Variants in RNF115 observed in about 807,000 individuals in gnomAD.
The protein encoded by RNF115 is ring finger protein 115.
RNF115 carries 31 observed loss-of-function variants against 39.2 expected under a neutral mutation model. The observed-to-expected ratio is 0.79, with a 90% CI of 0.59 to 1.07. The LOEUF (loss-of-function observed/expected upper bound fraction) is 1.07. Among genes scored for constraint, RNF115 ranks in the 50% least tolerant of loss-of-function variants. The pLI is 0.00. For synonymous variants in RNF115, 124 were observed against 131.0 expected (o/e 0.95, Z 0.37); for missense variants, 384 against 381.7 (o/e 1.01, Z -0.05).
Position 145,767,245 on chromosome 1 carries a change from C to CA in RNF115, c.428+4465dup, listed in dbSNP as rs1647368176. 3.3e-5 allele frequency among the ~76,000 whole-genome samples: 5 copies of CA among 149,546 alleles called. No homozygotes were observed. In the South Asian group the frequency reaches 1.1e-3, roughly 32 times the overall value. On this transcript the variant is annotated intron_variant, in intron 4 of 8. Transcript: ENST00000582693. Reference sequence around the variant, plus strand: ...GTGGCTGCCGGGCGGAGGGGCTCCTCACTTCTCAGACGGTGTGGCTGCCCG... The same window carrying CA: ...GTGGCTGCCGGGCGGAGGGGCTCCTCAACTTCTCAGACGGTGTGGCTGCCCG...
At chr1:145,758,414 T>C (rs980868207) in intron 4 of RNF115, among the ~76,000 whole-genome samples, 1 of 152,162 alleles carries the variant, frequency 6.6e-6, no homozygotes, top group Admixed American at 6.5e-5. Context: ...ACAGCTGACA[T>C]GTTGATTATA....
intron 1 of RNF115, among the ~76,000 whole-genome samples, chr1:145,806,362 G>GATAA (rs1293935668): frequency 1.1e-4 from 16 of 151,826 alleles, no homozygotes; most frequent in Admixed American, 4.6e-4. Context: ...AAATAAAATA[G>GATAA]ATAAATAAAT....
chr1:145,794,748 T>C (rs1324008262), intron 1 of RNF115, among the ~76,000 whole-genome samples: 1 of 151,766 alleles, frequency 6.6e-6, no homozygotes. Context: ...CCAGGCGCAG[T>C]AGCTCACGCC....
intron 2 of RNF115, among the ~76,000 whole-genome samples, chr1:145,785,811 TAAG>T (rs1454751683): frequency 6.6e-6 from 1 of 152,232 alleles, no homozygotes; most frequent in Admixed American, 6.5e-5. Context: ...TATTCCCTGA[TAAG>T]AAACCATTTA....
At chr1:145,812,432 C>G (rs61816212) in intron 1 of RNF115, among the ~76,000 whole-genome samples, 1 of 150,080 alleles carries the variant, frequency 6.7e-6, no homozygotes, top group Non-Finnish European at 1.5e-5. Flanking sequence ...CCGAGGCAGG[C>G]GCATCACTTG....
chr1:145,764,644 C>T (rs1397294202), intron 4 of RNF115, among the ~76,000 whole-genome samples: 1 of 152,076 alleles, frequency 6.6e-6, no homozygotes, highest in Non-Finnish European at 1.5e-5. Flanking sequence ...CTCCACCCGG[C>T]AGCCGCCCCG....
intron 3 of RNF115, 39 bp from the exon 4 acceptor site, chr1:145,771,958 C>A: frequency 6.5e-7 from 1 of 1,530,594 alleles, no homozygotes; most frequent in South Asian, 1.2e-5. Context: ...TTAGAAAAAT[C>A]AATCAATAAA....
At chr1:145,819,846 C>CGTT (rs1406543339) in intron 1 of RNF115, among the ~76,000 whole-genome samples, 1 of 152,088 alleles carries the variant, frequency 6.6e-6, no homozygotes, top group Non-Finnish European at 1.5e-5. Flanking sequence ...AAAGCCAACC[C>CGTT]GGCCAACACG....
Position 145,787,017 on chromosome 1 carries a change from A to G in RNF115, c.161+1891T>C, listed in dbSNP as rs587668198. 3.2e-6 allele frequency: 4 copies of G among 1,259,822 alleles called. No individual in the cohort carries two copies. The African/African-American group carries it at 4.6e-5, about 14-fold the overall frequency. 78.0% of individuals were successfully genotyped at this position (1,259,822 alleles called of 1,614,324 possible). On this transcript the variant is annotated intron_variant, in intron 2 of 8. Transcript: ENST00000582693. ...GTAAAACTAATAGTACATACTGTAA[A>G]ATGTGTAGTTTTTCCTGGTTGTGGA...
At position 145,741,609 on chromosome 1, in the gene RNF115, T is replaced by G. The variant is rs1358685964; in HGVS notation, c.*5257A>C. 1 of 152,364 alleles carries G rather than the reference T, an allele frequency of 6.6e-6. No homozygotes were observed. The highest frequency in any genetic ancestry group is 2.4e-5 in the African/African-American group (1 of 41,478). 9.4% of individuals were successfully genotyped at this position (152,364 alleles called of 1,614,324 possible). On this transcript the variant is annotated 3_prime_UTR_variant, in exon 9 of 9. Coordinates refer to ENST00000582693, the MANE Select transcript of RNF115 (RefSeq NM_014455.4). ...CCATCAAAGTTTTCCTCCATCTTAC[T>G]GTGACAGAACCTACATGAGATTCAT...
chr1:145,784,919 C>T (rs746279761), intron 2 of RNF115, among the ~76,000 whole-genome samples: 40 of 152,140 alleles, frequency 2.6e-4, no homozygotes, highest in Non-Finnish European at 5.3e-4. Flanking sequence ...TCCTCAAGAA[C>T]GCTAACAAAA....
At chr1:145,778,012 T>G (rs1553716788) in intron 3 of RNF115, among the ~76,000 whole-genome samples, 1 of 152,012 alleles carries the variant, frequency 6.6e-6, no homozygotes, top group Admixed American at 6.6e-5. Context: ...AAACATATGA[T>G]CACACAAAAA....
At chr1:145,780,343 G>A (rs889713288) in intron 3 of RNF115, among the ~76,000 whole-genome samples, 20 of 152,010 alleles carry the variant, frequency 1.3e-4, no homozygotes, top group African/African-American at 3.9e-4. Flanking sequence ...AAACTCGGCC[G>A]GGCGCAGTGG....
intron 4 of RNF115, among the ~76,000 whole-genome samples, chr1:145,758,647 T>A (rs1274298295): frequency 1.3e-5 from 2 of 152,210 alleles, no homozygotes; most frequent in Non-Finnish European, 2.9e-5. Context: ...ATAATCAAGT[T>A]TGAGAGATAG....
intron 4 of RNF115, among the ~76,000 whole-genome samples, chr1:145,762,683 A>G (rs1407287583): frequency 6.8e-6 from 1 of 147,856 alleles, no homozygotes; most frequent in Non-Finnish European, 1.5e-5. Flanking sequence ...TTTAATAAGA[A>G]AAAAAAAAGT....
intron 4 of RNF115, among the ~76,000 whole-genome samples, chr1:145,761,070 A>G (rs1658483444): frequency 6.6e-6 from 1 of 152,206 alleles, no homozygotes; most frequent in Non-Finnish European, 1.5e-5. Context: ...TGAACTTGAG[A>G]GAGATGATTC....
intron 1 of RNF115, among the ~76,000 whole-genome samples, chr1:145,791,107 A>G (rs1648645852): frequency 3.9e-5 from 6 of 151,978 alleles, no homozygotes; most frequent in Admixed American, 3.9e-4. Flanking sequence ...GTGCCATTGC[A>G]CTTCAGCCTG....
At chr1:145,768,325 C>A (rs72997747) in intron 4 of RNF115, among the ~76,000 whole-genome samples, 1,920 of 152,312 alleles carry the variant, frequency 0.013, 41 homozygotes, top group African/African-American at 0.044. Flanking sequence ...CCAAAGTACT[C>A]TTTTTCTTGA....
Position 145,784,610 on chromosome 1 carries a change from G to C in RNF115, c.162-14C>G. The C allele has an allele frequency of 6.2e-7, 1 of 1,612,114 alleles. No homozygotes were observed. The highest frequency in any genetic ancestry group is 2.2e-5 in the East Asian group (1 of 44,862). On this transcript the variant is annotated splice_polypyrimidine_tract_variant and intron_variant, in intron 2 of 8. Transcript: ENST00000582693. ...CCACCTAAAAAACTAAAGAGAAAAG[G>C]AATGAGTGGTGATTCTATTCCCAGG...
Sources: allele counts gnomAD v4.1 joint callset (sites outside exome capture counted in the v4.1 genomes callset), GRCh38; gene constraint gnomAD v4.1.1; transcripts MANE v1.5; gene names NCBI Gene and HGNC (gene_info 2026-07-23, HGNC 2026-07-21).